The following CHKA variants were observed in gnomAD, a reference collection of about 807,000 sequenced individuals.
CHKA encodes the protein choline kinase alpha.
Under a neutral mutation model 60.1 loss-of-function variants are expected in CHKA, and 34 were observed. The ratio of observed to expected loss-of-function variants is 0.57; its 90% CI spans 0.43 to 0.75. The LOEUF (loss-of-function observed/expected upper bound fraction) is 0.75. CHKA is among the 30% of genes least tolerant of loss of function. The probability of loss-of-function intolerance (pLI) is 0.00; values close to 1 mark genes in which losing one functional copy is unlikely to be tolerated. For missense variants in CHKA, 563 were observed against 561.3 expected, an observed-to-expected ratio of 1.00 and a Z score of -0.03; for synonymous variants, 217 against 223.1, an observed-to-expected ratio of 0.97 and a Z score of 0.24.
At chr11:68,068,047 A>G (rs1345131300) in intron 7 of CHKA, among the ~76,000 whole-genome samples, 2 of 152,194 alleles carry the variant, frequency 1.3e-5, no homozygotes, top group Non-Finnish European at 2.9e-5. Flanking sequence ...GCCTCTGATG[A>G]GACTGTTCAA....
chr11:68,054,377 G>A (rs1855923614), intron 11 of CHKA, among the ~76,000 whole-genome samples: 1 of 152,212 alleles, frequency 6.6e-6, no homozygotes, highest in Non-Finnish European at 1.5e-5. Context: ...CCTGGGTGCT[G>A]TGGGCACTGA....
intron 2 of CHKA, among the ~76,000 whole-genome samples, chr11:68,084,312 ATGTG>A (rs1555009411): frequency 4.3e-5 from 6 of 140,440 alleles, no homozygotes; most frequent in African/African-American, 7.8e-5. Flanking sequence ...GTGTATATAC[ATGTG>A]TATATATATA....
At chr11:68,102,044 G>A (rs1409454034) in intron 1 of CHKA, among the ~76,000 whole-genome samples, 7 of 150,610 alleles carry the variant, frequency 4.6e-5, no homozygotes, top group African/African-American at 1.7e-4. Flanking sequence ...AGGTGGCAGT[G>A]AGCCAAGATC....
At chr11:68,114,239 T>C (rs890581237) in intron 1 of CHKA, among the ~76,000 whole-genome samples, 1 of 152,134 alleles carries the variant, frequency 6.6e-6, no homozygotes, top group African/African-American at 2.4e-5. Context: ...CCCAAATGAA[T>C]TGAAAACCTA....
intron 2 of CHKA, chr11:68,081,982 T>G (rs1857003359): frequency 6.6e-6 from 1 of 152,396 alleles, no homozygotes; most frequent in Non-Finnish European, 1.5e-5. Context: ...GACTCGCCAC[T>G]TTCCCAGAGT....
intron 7 of CHKA, among the ~76,000 whole-genome samples, chr11:68,067,726 T>C (rs899582974): frequency 6.6e-6 from 1 of 152,198 alleles, no homozygotes; most frequent in African/African-American, 2.4e-5. Flanking sequence ...TCTCTAGTGA[T>C]GTCTGTGCCA....
intron 4 of CHKA, among the ~76,000 whole-genome samples, chr11:68,071,979 A>G (rs544329130): frequency 3.3e-5 from 5 of 152,350 alleles, no homozygotes; most frequent in African/African-American, 7.2e-5. Flanking sequence ...CCATGCTGCA[A>G]TAAGAACAGG....
chr11:68,080,726 G>A (rs1026672019), intron 3 of CHKA, among the ~76,000 whole-genome samples: 13 of 152,212 alleles, frequency 8.5e-5, no homozygotes, highest in South Asian at 2.1e-4. Flanking sequence ...TTAGACCCAC[G>A]TATGTTGGGC....
At chr11:68,061,095 G>GTTTTTTTT (rs757176198) in intron 11 of CHKA, among the ~76,000 whole-genome samples, 1 of 70,840 alleles carries the variant, frequency 1.4e-5, no homozygotes, top group African/African-American at 6.7e-5. Flanking sequence ...GTCAGTGACA[G>GTTTTTTTT]TTTTTTTTTT....
chr11:68,061,704 G>C (rs1856253140), intron 11 of CHKA: 3 of 554,734 alleles, frequency 5.4e-6, no homozygotes, highest in East Asian at 8.1e-5. Context: ...GGGGAGGCAA[G>C]GTCAGCTGGC....
chr11:68,111,141 G>A (rs1184528078), intron 1 of CHKA, among the ~76,000 whole-genome samples: 1 of 152,076 alleles, frequency 6.6e-6, no homozygotes, highest in Non-Finnish European at 1.5e-5. Flanking sequence ...GCCAGGCGCG[G>A]TGGCTCATGC....
chr11:68,066,950 T>G (rs1251331096), intron 7 of CHKA, among the ~76,000 whole-genome samples: 1 of 152,074 alleles, frequency 6.6e-6, no homozygotes, highest in Non-Finnish European at 1.5e-5. Context: ...GCTGTGGGAG[T>G]GCCCTCCTGG....
chr11:68,072,418 G>A (rs1301979151), intron 4 of CHKA, among the ~76,000 whole-genome samples: 2 of 151,918 alleles, frequency 1.3e-5, no homozygotes, highest in Non-Finnish European at 2.9e-5. Flanking sequence ...ATGGTGGCAC[G>A]TGCCTGTAGT....
chr11:68,072,182 A>C lies in CHKA; in HGVS notation c.631-1325T>G, dbSNP rs1169175354. ...ACCTACTATCCCTAGTGGCCCGGCT[A>C]TTCTCACATGCCCTTTGAAAGATGG... On this transcript the variant is annotated intron_variant, in intron 4 of 11. Transcript: ENST00000265689. 3.3e-5 allele frequency among the ~76,000 whole-genome samples: 5 copies of C among 152,324 alleles called. No individual in the cohort carries two copies. In the East Asian group the frequency reaches 5.8e-4, roughly 18 times the overall value.
intron 1 of CHKA, among the ~76,000 whole-genome samples, chr11:68,105,661 A>G (rs1157377624): frequency 6.6e-6 from 1 of 152,104 alleles, no homozygotes; most frequent in Admixed American, 6.6e-5. Context: ...ATGTATGTGA[A>G]TCCGCTGAAT....
At chr11:68,099,333 T>C (rs1311588347) in intron 1 of CHKA, among the ~76,000 whole-genome samples, 1 of 152,268 alleles carries the variant, frequency 6.6e-6, no homozygotes, top group African/African-American at 2.4e-5. Flanking sequence ...GTGAACTATA[T>C]CTCATTTTCT....
chr11:68,089,310 C>T (rs1857278168), intron 2 of CHKA, among the ~76,000 whole-genome samples: 1 of 152,162 alleles, frequency 6.6e-6, no homozygotes, highest in Admixed American at 6.5e-5. Flanking sequence ...TTGCAAGCAA[C>T]ACTTTTACGG....
chr11:68,086,985 CAA>C (rs11311764), intron 2 of CHKA, among the ~76,000 whole-genome samples: 16 of 149,458 alleles, frequency 1.1e-4, no homozygotes, highest in South Asian at 1.1e-3. Context: ...GACTCCGTCT[CAA>C]AAAAAAAAAA....
At chr11:68,072,373 C>T (rs1169768192) in intron 4 of CHKA, among the ~76,000 whole-genome samples, 8 of 151,818 alleles carry the variant, frequency 5.3e-5, no homozygotes, top group Non-Finnish European at 8.8e-5. Context: ...AGGGAGACCC[C>T]GTCTCTACAA....
Sources: allele counts gnomAD v4.1 joint callset (sites outside exome capture counted in the v4.1 genomes callset), GRCh38; gene constraint gnomAD v4.1.1; transcripts MANE v1.5; gene names NCBI Gene and HGNC (gene_info 2026-07-23, HGNC 2026-07-21).